The following SRGAP2C variants were observed in gnomAD, a reference collection of about 807,000 sequenced individuals.
SRGAP2C encodes SLIT-ROBO Rho GTPase-activating protein 2C.
Under a neutral mutation model 25.1 loss-of-function variants are expected in SRGAP2C, and 15 were observed. The ratio of observed to expected loss-of-function variants is 0.60; its 90% CI spans 0.40 to 0.92. The LOEUF (loss-of-function observed/expected upper bound fraction) is 0.92. Ranked by LOEUF, SRGAP2C falls within the 40% of genes least tolerant of loss-of-function variation. The pLI is 0.00. For missense variants in SRGAP2C, 144 were observed against 264.4 expected, an observed-to-expected ratio of 0.54 and a Z score of 3.16; for synonymous variants, 44 against 96.6, an observed-to-expected ratio of 0.46 and a Z score of 3.19.
At chr1:121,265,878 A>G (rs587667219) in intron 2 of SRGAP2C, among the ~76,000 whole-genome samples, 10 of 151,950 alleles carry the variant, frequency 6.6e-5, no homozygotes, top group African/African-American at 2.4e-4. Context: ...CTAGATGTGA[A>G]TTGGATGGCT....
chr1:121,331,984 A>G (rs1312080960), intron 4 of SRGAP2C, among the ~76,000 whole-genome samples: 11 of 146,056 alleles, frequency 7.5e-5, no homozygotes, highest in Admixed American at 4.8e-4. Flanking sequence ...CCTACATTAT[A>G]TAACATTTTA....
At chr1:121,362,572 G>A (rs1185618315) in intron 4 of SRGAP2C, among the ~76,000 whole-genome samples, 1 of 151,152 alleles carries the variant, frequency 6.6e-6, no homozygotes, top group Non-Finnish European at 1.5e-5. Flanking sequence ...TAGAGGAATA[G>A]GAGCTTTCTC....
chr1:121,198,522 G>GA (rs1654897277), intron 2 of SRGAP2C, among the ~76,000 whole-genome samples: 1 of 123,782 alleles, frequency 8.1e-6, no homozygotes, highest in African/African-American at 3.1e-5. Flanking sequence ...ACAAAGCACA[G>GA]AAAACAAAGG....
intron 2 of SRGAP2C, among the ~76,000 whole-genome samples, chr1:121,191,931 A>C (rs1654692483): frequency 6.8e-6 from 1 of 147,960 alleles, no homozygotes; most frequent in Non-Finnish European, 1.5e-5. Flanking sequence ...TTAAGAGAAC[A>C]GTGTGTGTGC....
At chr1:121,203,467 G>T in intron 2 of SRGAP2C, among the ~76,000 whole-genome samples, 1 of 142,046 alleles carries the variant, frequency 7.0e-6, no homozygotes, top group African/African-American at 2.6e-5. Context: ...ATTTTATTTT[G>T]AGATAATTAT....
rs587769075 is a variant in SRGAP2C at position 121,367,945 on chromosome 1, G to A, written c.486+2590G>A. ...AAAAAAATTAGCTGGGCATGGTGGC[G>A]GGTGCCTGTCGTCCCAGCTACTGGG... On this transcript the variant is annotated intron_variant, in intron 5 of 9. Coordinates refer to ENST00000367123, the MANE Select transcript of SRGAP2C (RefSeq NM_001329984.2). Among the ~76,000 whole-genome samples the A allele has an allele frequency of 1.9e-3, 210 of 113,362 alleles. 2 individuals carry two copies. The highest frequency in any genetic ancestry group is 7.0e-3 in the African/African-American group (189 of 26,866). The allele number at this position is 113,362 out of a possible 152,430, so 74.4% of individuals were successfully genotyped here.
At chr1:121,310,403 T>G (rs1159781775) in intron 3 of SRGAP2C, among the ~76,000 whole-genome samples, 1 of 139,166 alleles carries the variant, frequency 7.2e-6, no homozygotes. Context: ...TAGTTTCTTT[T>G]GCTGTGCAGA....
At chr1:121,380,688 TAGA>T (rs1659792480) in intron 7 of SRGAP2C, among the ~76,000 whole-genome samples, 1 of 140,070 alleles carries the variant, frequency 7.1e-6, no homozygotes, top group Admixed American at 7.2e-5. Context: ...CTTAGTGAAA[TAGA>T]AGCATTTTTT....
intron 2 of SRGAP2C, among the ~76,000 whole-genome samples, chr1:121,254,327 T>C (rs1408522037): frequency 1.3e-5 from 1 of 75,696 alleles, no homozygotes; most frequent in Non-Finnish European, 2.8e-5. Flanking sequence ...TCATTCTTTC[T>C]CTTTCCTCCT....
intron 2 of SRGAP2C, among the ~76,000 whole-genome samples, chr1:121,201,649 G>T (rs1401633798): frequency 1.3e-5 from 2 of 152,242 alleles, no homozygotes; most frequent in African/African-American, 2.4e-5. Context: ...AATGTAAAAT[G>T]ATCTCATGTT....
At chr1:121,265,931 C>A (rs1362582736) in intron 2 of SRGAP2C, among the ~76,000 whole-genome samples, 7 of 151,612 alleles carry the variant, frequency 4.6e-5, no homozygotes. Context: ...TGGGTTTTAT[C>A]AATGTCTTAG....
intron 5 of SRGAP2C, among the ~76,000 whole-genome samples, chr1:121,365,837 T>C (rs1381507482): frequency 9.0e-6 from 1 of 111,154 alleles, no homozygotes; most frequent in Non-Finnish European, 1.9e-5. Flanking sequence ...ATGCCCCCAG[T>C]AAGAGGGACC....
chr1:121,247,326 A>AT (rs1420218733), intron 2 of SRGAP2C, among the ~76,000 whole-genome samples: 1 of 26,472 alleles, frequency 3.8e-5, no homozygotes, highest in African/African-American at 1.3e-4. Flanking sequence ...AGGTTTTGGT[A>AT]TATTGATTTA....
intron 3 of SRGAP2C, among the ~76,000 whole-genome samples, chr1:121,310,439 T>C (rs1657955846): frequency 7.3e-6 from 1 of 137,582 alleles, no homozygotes; most frequent in South Asian, 2.4e-4. Flanking sequence ...TGAGATCCCA[T>C]TTGTCAATTT....
chr1:121,318,032 C>T (rs1312049192), intron 3 of SRGAP2C, among the ~76,000 whole-genome samples: 1 of 74,284 alleles, frequency 1.3e-5, no homozygotes, highest in Non-Finnish European at 2.6e-5. Context: ...GTGATAAGCC[C>T]GGAGAAGTGT....
chr1:121,298,735 A>T (rs2101583031), intron 3 of SRGAP2C, among the ~76,000 whole-genome samples: 1 of 674 alleles, frequency 1.5e-3, no homozygotes, highest in East Asian at 0.013. Flanking sequence ...GAGCAAAGAC[A>T]GTAGTGATCA....
chr1:121,282,819 A>T (rs1456572808), intron 2 of SRGAP2C, among the ~76,000 whole-genome samples: 6 of 149,266 alleles, frequency 4.0e-5, no homozygotes, highest in Non-Finnish European at 7.4e-5. Flanking sequence ...CGGCCTCCCA[A>T]AGTGCTGGGA....
chr1:121,296,045 G>T (rs1200662223), intron 3 of SRGAP2C, among the ~76,000 whole-genome samples: 5 of 141,960 alleles, frequency 3.5e-5, no homozygotes, highest in African/African-American at 1.3e-4. Flanking sequence ...ACAGGCATAA[G>T]CCTCTGTGCC....
chr1:121,347,419 T>G (rs1171438432), intron 4 of SRGAP2C, among the ~76,000 whole-genome samples: 1 of 136,390 alleles, frequency 7.3e-6, no homozygotes. Context: ...AAAAAAATGC[T>G]TCTAAATGTC....
Sources: gnomAD v4.1 joint callset for allele counts (sites outside exome capture counted in the v4.1 genomes callset) on GRCh38, gnomAD v4.1.1 for gene constraint, MANE v1.5 for transcripts, NCBI Gene and HGNC (gene_info 2026-07-23, HGNC 2026-07-21) for gene names.